Variants in AMMECR1 observed in about 807,000 individuals in gnomAD.
AMMECR1 encodes AMMECR nuclear protein 1.
A neutral mutation model predicts 22.5 loss-of-function variants in AMMECR1; 3 were observed. That is an observed-to-expected ratio of 0.13 (90% CI 0.06 to 0.35). The LOEUF (loss-of-function observed/expected upper bound fraction) is 0.35. Among genes scored for constraint, AMMECR1 ranks in the 10% least tolerant of loss-of-function variants. AMMECR1 has a pLI of 1.00. For synonymous variants in AMMECR1, 130 were observed against 116.7 expected, an observed-to-expected ratio of 1.11 and a Z score of -0.74; for missense variants, 235 against 278.7, an observed-to-expected ratio of 0.84 and a Z score of 1.12.
intron 2 of AMMECR1, among the ~76,000 whole-genome samples, chrX:110,393,840 G>A (rs1159348818): frequency 8.9e-6 from 1 of 112,455 alleles, no homozygotes; most frequent in Non-Finnish European, 1.9e-5. Flanking sequence ...GATGGGCTCC[G>A]GCCACCTGTG....
At chrX:110,293,050 C>A (rs980931623) in intron 1 of AMMECR1, among the ~76,000 whole-genome samples, 1 of 111,133 alleles carries the variant, frequency 9.0e-6, no homozygotes, top group Admixed American at 9.5e-5. Context: ...TTGTTAACTG[C>A]AAAAAAAGAT....
intron 2 of AMMECR1, among the ~76,000 whole-genome samples, chrX:110,359,667 G>C (rs1441643019): frequency 3.6e-5 from 4 of 111,496 alleles, no homozygotes; most frequent in African/African-American, 1.3e-4. Context: ...AATATACTGA[G>C]TGTCTTACTG....
At chrX:110,270,141 A>C (rs2067791210) in intron 1 of AMMECR1, among the ~76,000 whole-genome samples, 1 of 111,487 alleles carries the variant, frequency 9.0e-6, no homozygotes, top group South Asian at 3.8e-4. Context: ...CATCTTCATG[A>C]CTTCATTAAA....
chrX:110,344,645 C>T (rs1273263520), intron 2 of AMMECR1, among the ~76,000 whole-genome samples: 2 of 110,585 alleles, frequency 1.8e-5, no homozygotes, highest in Admixed American at 9.6e-5. Context: ...AACAAATTCA[C>T]AAGAAAAAAA....
chrX:110,391,887 C>T (rs920647859), intron 2 of AMMECR1, among the ~76,000 whole-genome samples: 7 of 111,968 alleles, frequency 6.3e-5, no homozygotes, highest in African/African-American at 1.9e-4. Context: ...GATTTCATCC[C>T]TGATTTTGTC....
At chrX:110,231,518 C>A (rs749689201) in intron 2 of AMMECR1, among the ~76,000 whole-genome samples, 2 of 112,102 alleles carry the variant, frequency 1.8e-5, no homozygotes, top group South Asian at 3.7e-4. Flanking sequence ...GAAGGAAGCA[C>A]TAAACGTGGA....
chrX:110,239,545 T>C (rs748834031), intron 2 of AMMECR1, among the ~76,000 whole-genome samples: 1 of 111,645 alleles, frequency 9.0e-6, no homozygotes, highest in Non-Finnish European at 1.9e-5. Flanking sequence ...AATATGGGAC[T>C]ATATGAAAAG....
intron 2 of AMMECR1, among the ~76,000 whole-genome samples, chrX:110,408,333 G>GC (rs1263782334): frequency 8.9e-6 from 1 of 111,835 alleles, no homozygotes. Flanking sequence ...AGACAATACT[G>GC]CCCCCTAGGG....
intron 2 of AMMECR1, among the ~76,000 whole-genome samples, chrX:110,235,207 G>T (rs2067593726): frequency 8.9e-6 from 1 of 112,405 alleles, no homozygotes; most frequent in African/African-American, 3.2e-5. Flanking sequence ...AGACATTTAT[G>T]CAGCCAACAG....
chrX:110,263,236 G>C (rs2067751192), intron 2 of AMMECR1, among the ~76,000 whole-genome samples: 1 of 111,362 alleles, frequency 9.0e-6, no homozygotes. Flanking sequence ...AACATGCCTA[G>C]ACTAGTACTT....
At chrX:110,367,732 C>T (rs776680020) in intron 2 of AMMECR1, among the ~76,000 whole-genome samples, 2 of 111,061 alleles carry the variant, frequency 1.8e-5, no homozygotes, top group Admixed American at 1.9e-4. Context: ...TAGGCCAAAG[C>T]CTTGGAGTCT....
At chrX:110,254,745 C>T (rs1351569190) in intron 2 of AMMECR1, among the ~76,000 whole-genome samples, 3 of 112,143 alleles carry the variant, frequency 2.7e-5, no homozygotes, top group African/African-American at 9.7e-5. Flanking sequence ...AACTTCCCTT[C>T]CATTTAAAAT....
At chrX:110,207,874 C>T (rs1240737379) in intron 3 of AMMECR1, among the ~76,000 whole-genome samples, 2 of 111,335 alleles carry the variant, frequency 1.8e-5, no homozygotes, top group African/African-American at 6.5e-5. Flanking sequence ...GTGGCTCGAG[C>T]CTGTTGTCCC....
rs767511155 is a variant in AMMECR1 at position 110,376,144 on chromosome X, G to GA, written c.-148+50513dup. On this transcript the variant is annotated intron_variant, in intron 2 of 7. Coordinates refer to the AMMECR1 transcript ENST00000372057. Reference sequence around the variant, plus strand: ...ATATTTTTGTCTCTGAAGCCAGTGGGAAAAAAACTGCAGATAAATAGATTT... The same window carrying GA: ...ATATTTTTGTCTCTGAAGCCAGTGGGAAAAAAAACTGCAGATAAATAGATTT... Among the ~76,000 whole-genome samples the GA allele has an allele frequency of 2.7e-5, 3 of 111,323 alleles. No homozygotes were observed. The Admixed American group carries it at 2.9e-4, about 11-fold the overall frequency.
intron 1 of AMMECR1, among the ~76,000 whole-genome samples, chrX:110,294,264 T>C (rs1055690084): frequency 8.9e-6 from 1 of 111,941 alleles, no homozygotes; most frequent in African/African-American, 3.2e-5. Flanking sequence ...TCAGCACTTT[T>C]ACTATCTATA....
chrX:110,281,686 A>G (rs1351983960), intron 1 of AMMECR1, among the ~76,000 whole-genome samples: 3 of 112,417 alleles, frequency 2.7e-5, no homozygotes, highest in African/African-American at 9.7e-5. Flanking sequence ...GGGATGTCAG[A>G]GACAATGTTC....
chrX:110,262,559 T>C (rs2067747274), intron 2 of AMMECR1, among the ~76,000 whole-genome samples: 1 of 112,469 alleles, frequency 8.9e-6, no homozygotes, highest in Non-Finnish European at 1.9e-5. Context: ...TTCTGGTCAT[T>C]ACCCTAGGAT....
At chrX:110,379,206 A>C (rs1465348806) in intron 2 of AMMECR1, among the ~76,000 whole-genome samples, 1 of 112,258 alleles carries the variant, frequency 8.9e-6, no homozygotes, top group Non-Finnish European at 1.9e-5. Flanking sequence ...TTTCTATTAT[A>C]GCTTTCAAGG....
intron 2 of AMMECR1, among the ~76,000 whole-genome samples, chrX:110,334,057 CAGATATAATATTT>C (rs1372085465): frequency 9.0e-6 from 1 of 111,709 alleles, no homozygotes; most frequent in Non-Finnish European, 1.9e-5. Flanking sequence ...AATTCCTTAT[CAGATATAATATTT>C]AAAAATGTTT....
Sources: allele counts gnomAD v4.1 joint callset (sites outside exome capture counted in the v4.1 genomes callset), GRCh38; gene constraint gnomAD v4.1.1; transcripts MANE v1.5; gene names NCBI Gene and HGNC (gene_info 2026-07-23, HGNC 2026-07-21).